The following C8orf58 variants were observed in gnomAD, a reference collection of about 807,000 sequenced individuals.
C8orf58 encodes the protein chromosome 8 open reading frame 58.
C8orf58 carries 31 observed loss-of-function variants against 36.8 expected under a neutral mutation model. The ratio of observed to expected loss-of-function variants is 0.84; its 90% CI spans 0.63 to 1.14. The LOEUF (loss-of-function observed/expected upper bound fraction) is 1.14. Ranked by LOEUF, C8orf58 falls within the 50% of genes most tolerant of loss-of-function variation. C8orf58 has a pLI of 0.00. For missense variants in C8orf58, 538 were observed against 480.8 expected (o/e 1.12, Z -1.11); for synonymous variants, 230 against 200.2 (o/e 1.15, Z -1.26).
Position 22,602,661 on chromosome 8 carries a change from C to T in C8orf58, c.986+18C>T, listed in dbSNP as rs1415847805. On this transcript the variant is annotated intron_variant, in intron 6 of 6. Transcript: ENST00000289989. ...GACCCCAGGTGAGCCCCGTGCCCAG[C>T]CCAGGTTAGGGCACGGAGAGGAGAC... 1.4e-6 allele frequency: 2 copies of T among 1,464,316 alleles called. No individual in the cohort carries two copies. Among genetic ancestry groups the T allele is most frequent in the African/African-American group, 2.8e-5 (2 of 70,922 alleles). The allele number at this position is 1,464,316 out of a possible 1,614,324, so 90.7% of individuals were successfully genotyped here.
rs1474266499 is a variant in C8orf58, at chr8:22,601,809, T to A, written c.614T>A (p.Leu205His). ...CTGGTGCTGGAGCAGATGGCAAGGC[T>A]CCAGCAGCTCTACCTGCAGCTGCGG... ...LCLVLEQMAR[L>H]QQLYLQLRIQ... is the part of the protein sequence containing the mutation. Residue 205 changes from leucine to histidine, a missense_variant, in exon 3 of 7, where the codon CTC becomes CAC. Coordinates refer to ENST00000289989, the MANE Select transcript of C8orf58 (RefSeq NM_001013842.3). The A allele has an allele frequency of 6.2e-7, 1 of 1,612,126 alleles. No homozygotes were observed. Among genetic ancestry groups the A allele is most frequent in the Non-Finnish European group, 8.5e-7 (1 of 1,179,626 alleles).
At chr8:22,602,466 C>G (rs1197271592) in intron 5 of C8orf58, 71 bp from the exon 6 acceptor site, 1 of 1,404,960 alleles carries the variant, frequency 7.1e-7, no homozygotes, top group East Asian at 2.4e-5. Context: ...GTGGCGACAG[C>G]TGTCTCTGGG....
Position 22,600,954 on chromosome 8 carries a change from A to C in C8orf58, c.113A>C (p.Asp38Ala). 1 of 1,612,524 alleles carries C rather than the reference A, an allele frequency of 6.2e-7. No individual in the cohort carries two copies. Among genetic ancestry groups the C allele is most frequent in the Non-Finnish European group, 8.5e-7 (1 of 1,179,956 alleles). Reference sequence around the variant, plus strand: ...ACCAGCACCTACAGACGGATCCCCGACGCTGCCCACGGGTGCTCATCCTGG... The same window carrying C: ...ACCAGCACCTACAGACGGATCCCCGCCGCTGCCCACGGGTGCTCATCCTGG... ...GVTSTYRRIPDAAHGCSSWER... is the reference protein window; with the variant it reads ...GVTSTYRRIPAAAHGCSSWER... Residue 38 changes from aspartate (D) to alanine (A), a missense_variant, in exon 2 of 7, where the codon GAC (aspartate) becomes GCC (alanine). Asp to Ala is a moderately radical substitution (Grantham distance 126, BLOSUM62 -2). Coordinates refer to ENST00000289989, the MANE Select transcript of C8orf58 (RefSeq NM_001013842.3).
In C8orf58 at chr8:22,601,370, T is replaced by C. The variant is rs747351236; in HGVS notation, c.516+13T>C. ...GGAAGAAGAGGCGGTGAGTGCTCAC[T>C]CTCAGGCTGGGTTTAAGAGTGGGAT... On this transcript the variant is annotated intron_variant, in intron 2 of 6. Transcript: ENST00000289989. The C allele has an allele frequency of 6.5e-7, 1 of 1,536,642 alleles. No homozygotes were observed. The highest frequency in any genetic ancestry group is 8.8e-7 in the Non-Finnish European group (1 of 1,134,610).
chr8:22,602,269 C>A lies in C8orf58; in HGVS notation c.836C>A (p.Pro279Gln). ...AACCCTCCCAGGCTGCCAGAAACCC[C>A]AGTGGAGCCAACGTACCACTTGCCA... ...SANPPRLPET[P>Q]VEPTYHLPSS... is the part of the protein sequence containing the mutation. Residue 279 changes from proline to glutamine, a missense_variant, in exon 5 of 7, where the codon CCA (proline) becomes CAA (glutamine). Coordinates refer to ENST00000289989, the MANE Select transcript of C8orf58 (RefSeq NM_001013842.3). 1 of 1,605,462 alleles carries A rather than the reference C, an allele frequency of 6.2e-7. No individual in the cohort carries two copies. Among genetic ancestry groups the A allele is most frequent in the Non-Finnish European group, 8.5e-7 (1 of 1,177,644 alleles).
intron 1 of C8orf58, chr8:22,600,488 C>G (rs1463902983): frequency 9.3e-6 from 2 of 216,156 alleles, no homozygotes; most frequent in African/African-American, 4.6e-5. Context: ...ACCCTCTCCC[C>G]TCTCCCTGAA....
intron 2 of C8orf58, 52 bp downstream of exon 2, chr8:22,601,409 C>T (rs770508306): frequency 7.2e-7 from 1 of 1,389,246 alleles, no homozygotes; most frequent in African/African-American, 1.4e-5. Context: ...CAGCCTAGCT[C>T]CTCTGGTTCT....
In C8orf58 at chr8:22,603,473, G is replaced by T; in HGVS notation, c.*167G>T. Reference sequence around the variant, plus strand: ...CTTTCTCCTCTAAGCAGTCTGGTCAGGAACCTTGGTTTCTTGAGAGGCCCC... The same window carrying T: ...CTTTCTCCTCTAAGCAGTCTGGTCATGAACCTTGGTTTCTTGAGAGGCCCC... On this transcript the variant is annotated 3_prime_UTR_variant, in exon 7 of 7. Transcript: ENST00000289989. 1.5e-6 allele frequency: 1 copy of T among 675,162 alleles called. No homozygotes were observed. Among genetic ancestry groups the T allele is most frequent in the Non-Finnish European group, 2.7e-6 (1 of 369,852 alleles). The allele number at this position is 675,162 out of a possible 1,614,324, so 41.8% of individuals were successfully genotyped here. A position where few individuals can be genotyped will look rare whatever the true frequency, so the allele number is the denominator to read the frequency against.
At chr8:22,600,462 A>C in intron 1 of C8orf58, 1 of 179,792 alleles carries the variant, frequency 5.6e-6, no homozygotes, top group Non-Finnish European at 1.2e-5. Flanking sequence ...GTTGGATCCC[A>C]GGCTTTCCTC....
At position 22,602,645 on chromosome 8, in the gene C8orf58, T is replaced by G; in HGVS notation, c.986+2T>G. The G allele has an allele frequency of 1.3e-6, 2 of 1,526,342 alleles. No individual in the cohort carries two copies. The highest frequency in any genetic ancestry group is 1.8e-6 in the Non-Finnish European group (2 of 1,130,404). The allele number at this position is 1,526,342 out of a possible 1,614,324, so 94.5% of individuals were successfully genotyped here. ...CCCTCCTGATGGCTCTGACCCCAGG[T>G]GAGCCCCGTGCCCAGCCCAGGTTAG... On this transcript the variant is annotated splice_donor_variant, in intron 6 of 6. Transcript: ENST00000289989. LOFTEE classifies it high-confidence loss of function.
chr8:22,603,108 A>G (rs536007094), intron 6 of C8orf58, 87 bp from the exon 7 acceptor site: 2 of 1,006,472 alleles, frequency 2.0e-6, no homozygotes, highest in South Asian at 2.6e-5. Flanking sequence ...GCTACCCACC[A>G]GCAGATAAAC....
In C8orf58 at chr8:22,600,878, G is replaced by T; in HGVS notation, c.41-4G>T. 1 of 1,594,990 alleles carries T rather than the reference G, an allele frequency of 6.3e-7. No homozygotes were observed. Among genetic ancestry groups the T allele is most frequent in the Non-Finnish European group, 8.5e-7 (1 of 1,171,924 alleles). The stretch of plus-strand genomic sequence containing the variant: ...GCCCAGCCTGACGCTGACTCTCCAT[G>T]CAGATGGGGCTGGCGAGGGCCTGGC... On this transcript the variant is annotated splice_polypyrimidine_tract_variant and splice_region_variant and intron_variant, in intron 1 of 6. Coordinates refer to ENST00000289989, the MANE Select transcript of C8orf58 (RefSeq NM_001013842.3).
intron 1 of C8orf58, 60 bp from the exon 2 acceptor site, chr8:22,600,822 T>TCAG: frequency 7.1e-7 from 1 of 1,402,422 alleles, no homozygotes; most frequent in Non-Finnish European, 9.7e-7. Context: ...CTGCCAGCCT[T>TCAG]CAGGAATGCT....
rs1800851708 is a variant in C8orf58, at chr8:22,601,342, C to A, written c.501C>A (p.Gly167=). ...SMEADTDLEA[G]LEEEAVGGLG... ...AGGCAGACACAGACCTAGAGGCAGG[C>A]CTGGAAGAAGAGGCGGTGAGTGCTC... Residue 167 remains glycine, a synonymous_variant, in exon 2 of 7, where the codon GGC becomes GGA. Transcript: ENST00000289989. 6.3e-7 allele frequency: 1 copy of A among 1,582,042 alleles called. No individual in the cohort carries two copies. Among genetic ancestry groups the A allele is most frequent in the Non-Finnish European group, 8.6e-7 (1 of 1,158,688 alleles).
intron 3 of C8orf58, 58 bp from the exon 4 acceptor site, chr8:22,601,914 C>A: frequency 6.4e-7 from 1 of 1,553,876 alleles, no homozygotes; most frequent in Non-Finnish European, 8.7e-7. Flanking sequence ...CATGGCTGCC[C>A]TCAGAGCAGC....
chr8:22,601,209 G>GGCTCCCAACA lies in C8orf58; in HGVS notation c.376_385dup (p.Thr129AsnfsTer20), dbSNP rs780932501. 1.2e-6 allele frequency: 2 copies of GGCTCCCAACA among 1,609,434 alleles called. No individual in the cohort carries two copies. Reference sequence around the variant, plus strand: ...GGGGAGGTGTTGGAGCGGTCCCGCCGGCTCCCAACAGCTCCCACCAGCTTG... The same window carrying GGCTCCCAACA: ...GGGGAGGTGTTGGAGCGGTCCCGCCGGCTCCCAACAGCTCCCAACAGCTCCCACCAGCTTG... On this transcript the variant is annotated frameshift_variant, in exon 2 of 7. Coordinates refer to ENST00000289989, the MANE Select transcript of C8orf58 (RefSeq NM_001013842.3). LOFTEE classifies it high-confidence loss of function.
At chr8:22,599,966 C>T in intron 1 of C8orf58, 1 of 362,452 alleles carries the variant, frequency 2.8e-6, no homozygotes, top group East Asian at 4.0e-5. Flanking sequence ...TGGGCCCAGG[C>T]GTTAAACCAG....
Position 22,603,162 on chromosome 8 carries a change from C to T in C8orf58, c.987-33C>T, listed in dbSNP as rs769613265. On this transcript the variant is annotated intron_variant, in intron 6 of 6. Coordinates refer to ENST00000289989, the MANE Select transcript of C8orf58 (RefSeq NM_001013842.3). ...GGGCCATTGTTAGTTTTATTTCCCC[C>T]TTCTAGCCTAATGTCTTCTTTTCAT... 9 of 1,497,814 alleles carry T rather than the reference C, an allele frequency of 6.0e-6. No individual in the cohort carries two copies. The East Asian group carries it at 1.6e-4, about 26-fold the overall frequency. The allele number at this position is 1,497,814 out of a possible 1,614,324, so 92.8% of individuals were successfully genotyped here.
chr8:22,602,073 G>C lies in C8orf58; in HGVS notation c.759G>C (p.Glu253Asp). The C allele has an allele frequency of 6.4e-7, 1 of 1,570,548 alleles. No homozygotes were observed. The highest frequency in any genetic ancestry group is 8.6e-7 in the Non-Finnish European group (1 of 1,156,354). Residue 253 changes from glutamate to aspartate, a missense_variant, in exon 4 of 7, where the codon GAG (glutamate) becomes GAC (aspartate). Glu to Asp is a conservative substitution (Grantham distance 45). Coordinates refer to ENST00000289989, the MANE Select transcript of C8orf58 (RefSeq NM_001013842.3). ...CATGGGAGCTGCTAAGCCAGACAGA[G>C]CACACAGGTGAGGGGCCATCGTGTC... ...QGPWELLSQT[E>D]HTGAKAASPP...
Sources: gnomAD v4.1 joint callset for allele counts on GRCh38, gnomAD v4.1.1 for gene constraint, MANE v1.5 for transcripts, NCBI Gene and HGNC (gene_info 2026-07-23, HGNC 2026-07-21) for gene names.